Variants in MID1 observed in about 807,000 individuals in gnomAD.
MID1 encodes the protein midline 1.
In MID1, 7 loss-of-function variants were observed where a neutral mutation model predicts 40.4. That is an observed-to-expected ratio of 0.17 (90% confidence interval 0.10 to 0.33). The LOEUF is 0.33. Among genes scored for constraint, MID1 ranks in the 10% least tolerant of loss-of-function variants. MID1 has a pLI of 1.00. For missense variants in MID1, 367 were observed against 558.5 expected (o/e 0.66, Z 3.46); for synonymous variants, 229 against 221.2 (o/e 1.04, Z -0.31).
At chrX:10,659,536 G>A (rs1036213054) in intron 1 of MID1, among the ~76,000 whole-genome samples, 1 of 112,066 alleles carries the variant, frequency 8.9e-6, no homozygotes, top group Non-Finnish European at 1.9e-5. Flanking sequence ...ACCACTGTAT[G>A]TTACATAGCC....
chrX:10,586,097 G>A (rs995189646), intron 1 of MID1, among the ~76,000 whole-genome samples: 2 of 111,417 alleles, frequency 1.8e-5, no homozygotes, highest in African/African-American at 6.6e-5. Context: ...ACCTTGTATA[G>A]AGTAACATTA....
intron 1 of MID1, among the ~76,000 whole-genome samples, chrX:10,602,243 T>TA (rs1555909450): frequency 1.9e-5 from 2 of 107,929 alleles, no homozygotes; most frequent in South Asian, 4.0e-4. Context: ...TTTTTTTTTT[T>TA]ACCACCAATG....
intron 3 of MID1, among the ~76,000 whole-genome samples, chrX:10,509,633 T>C (rs769899034): frequency 9.0e-6 from 1 of 111,582 alleles, no homozygotes; most frequent in Non-Finnish European, 1.9e-5. Context: ...GGGAGCTCCT[T>C]GTGTGCACTA....
intron 1 of MID1, among the ~76,000 whole-genome samples, chrX:10,816,220 GC>G (rs1220614664): frequency 9.0e-6 from 1 of 111,625 alleles, no homozygotes; most frequent in African/African-American, 3.3e-5. Flanking sequence ...AATAGTTCCA[GC>G]CCCTTTCTGT....
At chrX:10,826,307 C>T (rs932475121) in intron 1 of MID1, among the ~76,000 whole-genome samples, 4 of 111,493 alleles carry the variant, frequency 3.6e-5, no homozygotes, top group African/African-American at 1.3e-4. Flanking sequence ...TTCATCTCTA[C>T]CACCACGATA....
intron 5 of MID1, among the ~76,000 whole-genome samples, chrX:10,478,521 G>C (rs1930136143): frequency 8.9e-6 from 1 of 111,976 alleles, no homozygotes; most frequent in South Asian, 3.7e-4. Context: ...ATGTGCTGGG[G>C]CTATAATGGT....
Position 10,825,114 on chromosome X carries a change from C to T in MID1, c.-187+8440G>A, listed in dbSNP as rs778572973. Among the ~76,000 whole-genome samples, 8 of 111,762 alleles carry T rather than the reference C, an allele frequency of 7.2e-5. No individual in the cohort carries two copies. The South Asian group carries it at 1.9e-3, about 26-fold the overall frequency. ...TATTAATACATACATACGCCCAAAC[C>T]GTAGACATACAGTTCAGTTCTAAAA... On this transcript the variant is annotated intron_variant, in intron 1 of 10. Coordinates refer to the MID1 transcript ENST00000380785.
chrX:10,469,833 G>C lies in MID1; in HGVS notation c.1149C>G (p.Asn383Lys). 2 of 1,210,541 alleles carry C rather than the reference G, an allele frequency of 1.7e-6. No homozygotes were observed. The highest frequency in any genetic ancestry group is 2.2e-6 in the Non-Finnish European group (2 of 894,759). The change falls in exon 7 of 10, where the codon AAC becomes AAG. Residue 383 changes from asparagine (N) to lysine (K), a missense_variant. By Grantham distance (94) the Asn-to-Lys change is moderately conservative (BLOSUM62 0). Coordinates refer to ENST00000317552, the MANE Select transcript of MID1 (RefSeq NM_000381.4). Reference protein sequence around the residue: ...LECLDYLTAPNPPTIREELCT... With the variant: ...LECLDYLTAPKPPTIREELCT... ...AGAGCTCTTCTCTAATTGTGGGAGG[G>C]TTGGGAGCTGTGGGGGTCAAGAATG...
chrX:10,523,099 T>G lies in MID1; in HGVS notation c.749A>C (p.His250Pro). 1 of 1,193,748 alleles carries G rather than the reference T, an allele frequency of 8.4e-7. No homozygotes were observed. Among genetic ancestry groups the G allele is most frequent in the East Asian group, 3.0e-5 (1 of 33,698 alleles). Residue 250 changes from histidine to proline, a missense_variant, in exon 3 of 10, where the codon CAT becomes CCT. His to Pro is a moderately conservative substitution (Grantham distance 77). Around this residue, in one of 3 missense-constraint regions of MID1, gnomAD observed 275 missense variants for 383.1 expected, o/e 0.72. Coordinates refer to ENST00000317552, the MANE Select transcript of MID1 (RefSeq NM_000381.4). ...LLAKLIQTCQ[H>P]VEVNASRQEA... ...AAATACAGAGATACTCACTTCAACA[T>G]GTTGACAGGTTTGGATGAGTTTAGC...
rs2043730021 is a variant in MID1 at position 10,766,453 on chromosome X, T to A, written c.-187+67101A>T. ...CGGCTGATGTGGTCATGTGGGAATG[T>A]TCCATGCAGACACAGAACCAAACCA... On this transcript the variant is annotated intron_variant, in intron 1 of 10. Coordinates refer to the MID1 transcript ENST00000380785. Among the ~76,000 whole-genome samples the A allele has an allele frequency of 2.7e-5, 3 of 111,974 alleles. No individual in the cohort carries two copies. The South Asian group carries it at 1.1e-3, about 42-fold the overall frequency.
upstream of MID1, among the ~76,000 whole-genome samples, chrX:10,622,943 C>T (rs746621529): frequency 4.5e-5 from 5 of 109,977 alleles, no homozygotes; most frequent in Non-Finnish European, 9.5e-5. Flanking sequence ...GGATTTGATC[C>T]ACCTATTAGA....
At chrX:10,674,335 C>CA (rs1175354001) in intron 1 of MID1, among the ~76,000 whole-genome samples, 1 of 112,238 alleles carries the variant, frequency 8.9e-6, no homozygotes, top group Non-Finnish European at 1.9e-5. Context: ...ACCACATTCG[C>CA]AACTGAACCA....
intron 1 of MID1, among the ~76,000 whole-genome samples, chrX:10,687,397 T>A (rs979252966): frequency 8.9e-6 from 1 of 112,070 alleles, no homozygotes; most frequent in African/African-American, 3.2e-5. Context: ...AACAACTGTA[T>A]CGGCTTGGGA....
chrX:10,685,872 AC>A (rs2043091975), intron 1 of MID1, among the ~76,000 whole-genome samples: 1 of 76,576 alleles, frequency 1.3e-5, no homozygotes, highest in African/African-American at 4.9e-5. Context: ...CACCCCACAT[AC>A]TCATACACAC....
At chrX:10,678,270 T>A (rs2043036324) in intron 1 of MID1, among the ~76,000 whole-genome samples, 1 of 112,074 alleles carries the variant, frequency 8.9e-6, no homozygotes, top group South Asian at 3.7e-4. Context: ...TATAAAATAG[T>A]TTCCTTTCCC....
intron 1 of MID1, among the ~76,000 whole-genome samples, chrX:10,825,851 G>A (rs1212473936): frequency 9.0e-6 from 1 of 111,613 alleles, no homozygotes; most frequent in Non-Finnish European, 1.9e-5. Flanking sequence ...AGGCTTTACT[G>A]CTGATGAATT....
At chrX:10,781,013 T>C (rs113086306) in intron 1 of MID1, among the ~76,000 whole-genome samples, 5,035 of 111,819 alleles carry the variant, frequency 0.045, 246 homozygotes, top group African/African-American at 0.15. Flanking sequence ...TGTGGCCCAG[T>C]TCCTAACAGG....
In MID1 at chrX:10,673,955, C is replaced by A. The variant is rs765800962; in HGVS notation, c.-186-53536G>T. 5.4e-5 allele frequency among the ~76,000 whole-genome samples: 6 copies of A among 111,379 alleles called. No individual in the cohort carries two copies. The East Asian group carries it at 1.4e-3, about 26-fold the overall frequency. On this transcript the variant is annotated intron_variant, in intron 1 of 10. Transcript: ENST00000380785. Reference sequence around the variant, plus strand: ...CATTTCTTTCCCATGATTCTTTTTTCTTACTGACATTATTGCAAATTATGT... The same window carrying A: ...CATTTCTTTCCCATGATTCTTTTTTATTACTGACATTATTGCAAATTATGT...
intron 1 of MID1, among the ~76,000 whole-genome samples, chrX:10,735,428 A>G (rs944565440): frequency 3.0e-4 from 34 of 112,116 alleles, no homozygotes; most frequent in African/African-American, 1.0e-3. Flanking sequence ...CACACTACAC[A>G]GTAAGGTAGT....
Sources: allele counts gnomAD v4.1 joint callset (sites outside exome capture counted in the v4.1 genomes callset), GRCh38; gene constraint gnomAD v4.1.1; regional missense constraint gnomAD v4.1.1; transcripts MANE v1.5; gene names NCBI Gene and HGNC (gene_info 2026-07-23, HGNC 2026-07-21).